Variants in TAFA4 observed in about 807,000 individuals in gnomAD.
TAFA4 encodes the protein chemokine-like protein TAFA-4.
TAFA4 carries 20 observed loss-of-function variants against 21.1 expected under a neutral mutation model. The ratio of observed to expected loss-of-function variants is 0.95; its 90% CI spans 0.67 to 1.38. The LOEUF is 1.38. Among genes scored for constraint, TAFA4 ranks in the 40% most tolerant of loss-of-function variants. The probability of loss-of-function intolerance (pLI) is 0.00; values close to 1 mark genes in which losing one functional copy is unlikely to be tolerated. For missense variants in TAFA4, 211 were observed against 180.9 expected (o/e 1.17, Z -0.95); for synonymous variants, 71 against 67.4 (o/e 1.05, Z -0.26).
At chr3:68,760,228 T>C (rs1223091866) in intron 3 of TAFA4, among the ~76,000 whole-genome samples, 3 of 152,234 alleles carry the variant, frequency 2.0e-5, no homozygotes, top group Non-Finnish European at 4.4e-5. Flanking sequence ...GGATTAACTT[T>C]ATCTGAAGAA....
chr3:68,771,509 C>T (rs1994593), intron 3 of TAFA4, among the ~76,000 whole-genome samples: 5 of 152,172 alleles, frequency 3.3e-5, no homozygotes, highest in South Asian at 2.1e-4. Flanking sequence ...GCACTTCCTG[C>T]GAGGGGGATA....
At chr3:68,836,382 T>C (rs993567816) in intron 3 of TAFA4, among the ~76,000 whole-genome samples, 4 of 152,222 alleles carry the variant, frequency 2.6e-5, no homozygotes, top group Non-Finnish European at 5.9e-5. Context: ...AACATTTATG[T>C]CCCTACAAAT....
intron 3 of TAFA4, among the ~76,000 whole-genome samples, chr3:68,850,565 C>G (rs911737572): frequency 2.0e-5 from 3 of 152,156 alleles, no homozygotes; most frequent in African/African-American, 7.2e-5. Flanking sequence ...CGTTTCTTTA[C>G]TTTTCAATAA....
intron 3 of TAFA4, among the ~76,000 whole-genome samples, chr3:68,797,631 AAAGG>A (rs1300225323): frequency 2.0e-5 from 3 of 151,688 alleles, no homozygotes; most frequent in Admixed American, 2.0e-4. Context: ...AAAAAAAAAA[AAAGG>A]AAGGCAGTTC....
intron 1 of TAFA4, among the ~76,000 whole-genome samples, chr3:68,908,603 A>G (rs2106999396): frequency 6.6e-6 from 1 of 152,368 alleles, no homozygotes. Context: ...CAAAACATTA[A>G]GCATGAGTTT....
chr3:68,818,226 A>C lies in TAFA4; in HGVS notation c.130+62504T>G, dbSNP rs192226325. On this transcript the variant is annotated intron_variant, in intron 3 of 5. Transcript: ENST00000295569. The stretch of plus-strand genomic sequence containing the variant: ...ATCCTCAAACCTCTGCTACCTTCCA[A>C]CTTCTCTTCTGGAGCTTCCTCACCT... Among the ~76,000 whole-genome samples, 470 of 152,188 alleles carry C rather than the reference A, an allele frequency of 3.1e-3. 2 individuals are homozygous for C. The highest frequency in any genetic ancestry group is 0.011 in the African/African-American group (451 of 41,528).
intron 3 of TAFA4, among the ~76,000 whole-genome samples, chr3:68,818,624 C>A (rs1704041527): frequency 6.6e-6 from 1 of 152,084 alleles, no homozygotes; most frequent in Non-Finnish European, 1.5e-5. Context: ...TATCAAGTGG[C>A]CTAATTGTAA....
intron 3 of TAFA4, among the ~76,000 whole-genome samples, chr3:68,762,212 A>C (rs2106768271): frequency 6.6e-6 from 1 of 152,144 alleles, no homozygotes; most frequent in East Asian, 1.9e-4. Flanking sequence ...TTTAAAAAAA[A>C]AAAAATGTAG....
chr3:68,795,033 CACAG>C (rs1389079038), intron 3 of TAFA4, among the ~76,000 whole-genome samples: 1 of 151,560 alleles, frequency 6.6e-6, no homozygotes, highest in African/African-American at 2.4e-5. Context: ...CACACACACA[CACAG>C]ACACACAGTC....
chr3:68,896,823 G>A (rs751344099), intron 1 of TAFA4, among the ~76,000 whole-genome samples: 12 of 152,220 alleles, frequency 7.9e-5, no homozygotes, highest in Non-Finnish European at 1.3e-4. Context: ...GAAAACTACC[G>A]AACTAACTAT....
chr3:68,868,617 C>T (rs1210515919), intron 3 of TAFA4, among the ~76,000 whole-genome samples: 1 of 151,790 alleles, frequency 6.6e-6, no homozygotes, highest in East Asian at 1.9e-4. Flanking sequence ...TATACAAGCA[C>T]ATGGAAATTA....
At chr3:68,928,249 T>C (rs1022016704) in intron 1 of TAFA4, among the ~76,000 whole-genome samples, 14 of 152,186 alleles carry the variant, frequency 9.2e-5, no homozygotes, top group Admixed American at 6.5e-5. Context: ...GTAACCAGAA[T>C]GTTTCCATAA....
intron 3 of TAFA4, among the ~76,000 whole-genome samples, chr3:68,805,192 C>G (rs1486443181): frequency 6.6e-6 from 1 of 152,170 alleles, no homozygotes; most frequent in Non-Finnish European, 1.5e-5. Flanking sequence ...AGCCAAAATA[C>G]ACATGAAAAA....
At chr3:68,914,864 A>G (rs867578421) in intron 1 of TAFA4, among the ~76,000 whole-genome samples, 2 of 152,098 alleles carry the variant, frequency 1.3e-5, no homozygotes, top group South Asian at 4.1e-4. Flanking sequence ...TGGTTGGGGG[A>G]AAAAAAGAAT....
intron 3 of TAFA4, among the ~76,000 whole-genome samples, chr3:68,879,932 G>A (rs1282925641): frequency 6.6e-6 from 1 of 152,138 alleles, no homozygotes; most frequent in Admixed American, 6.5e-5. Flanking sequence ...GATTACCAAA[G>A]CTGAGAGAGT....
intron 3 of TAFA4, among the ~76,000 whole-genome samples, chr3:68,818,091 T>G (rs529066257): frequency 2.0e-5 from 3 of 152,232 alleles, no homozygotes; most frequent in Admixed American, 6.5e-5. Flanking sequence ...GTAGCCACTT[T>G]CATCAATGAT....
At chr3:68,905,917 CT>C (rs746989987) in intron 1 of TAFA4, among the ~76,000 whole-genome samples, 4 of 152,230 alleles carry the variant, frequency 2.6e-5, no homozygotes, top group Non-Finnish European at 5.9e-5. Flanking sequence ...TCTTGCTAAA[CT>C]GCCATCCACG....
intron 3 of TAFA4, among the ~76,000 whole-genome samples, chr3:68,879,819 C>A (rs12495731): frequency 0.16 from 24,102 of 152,042 alleles, 2,953 homozygotes; most frequent in East Asian, 0.51. Context: ...AAACACAAGA[C>A]CTTTGGAGAC....
At chr3:68,890,675 A>C (rs1385643411) in intron 1 of TAFA4, among the ~76,000 whole-genome samples, 1 of 152,202 alleles carries the variant, frequency 6.6e-6, no homozygotes, top group Non-Finnish European at 1.5e-5. Flanking sequence ...CAAGATTCTA[A>C]TTTATGCTGT....
Sources: allele counts gnomAD v4.1 joint callset (sites outside exome capture counted in the v4.1 genomes callset), GRCh38; gene constraint gnomAD v4.1.1; transcripts MANE v1.5; gene names NCBI Gene and HGNC (gene_info 2026-07-23, HGNC 2026-07-21).